COG2: variants seen among roughly 807,000 people sequenced by gnomAD.
COG2 encodes component of oligomeric golgi complex 2.
COG2 carries 52 observed loss-of-function variants against 90.6 expected under a neutral mutation model. The observed-to-expected ratio is 0.57, with a 90% confidence interval of 0.46 to 0.72. The LOEUF is 0.72. Among genes scored for constraint, COG2 ranks in the 30% least tolerant of loss-of-function variants. COG2 has a pLI of 0.00. For missense variants in COG2, 829 were observed against 891.2 expected, an observed-to-expected ratio of 0.93 and a Z score of 0.89; for synonymous variants, 337 against 320.4, an observed-to-expected ratio of 1.05 and a Z score of -0.55.
chr1:230,659,671 TCTCA>T, intron 2 of COG2, 46 bp downstream of exon 2: 1 of 1,572,914 alleles, frequency 6.4e-7, no homozygotes, highest in Non-Finnish European at 8.7e-7. Context: ...ACAATTTCTT[TCTCA>T]CTCATACTTA....
At chr1:230,650,476 ATGTT>A (rs1661888122) in intron 1 of COG2, among the ~76,000 whole-genome samples, 1 of 152,018 alleles carries the variant, frequency 6.6e-6, no homozygotes, top group South Asian at 2.1e-4. Context: ...ATTTTTTCAT[ATGTT>A]TGTTGGATGC....
intron 11 of COG2, 24 bp from the exon 12 acceptor site, chr1:230,685,061 G>GTGTTGT: frequency 1.9e-6 from 3 of 1,612,672 alleles, no homozygotes; most frequent in Non-Finnish European, 2.5e-6. Flanking sequence ...CCTTAAATGT[G>GTGTTGT]TGTTGTTGTT....
chr1:230,666,117 A>G (rs1165833515), intron 5 of COG2, among the ~76,000 whole-genome samples: 1 of 152,058 alleles, frequency 6.6e-6, no homozygotes, highest in Admixed American at 6.6e-5. Flanking sequence ...GACTGCGGGG[A>G]GTTTAGTGGA....
Position 230,679,188 on chromosome 1 carries a change from G to A in COG2, c.1166+136G>A. The stretch of plus-strand genomic sequence containing the variant: ...AGCTTTGGGAGACAAAATTGAAAGT[G>A]GAGAAAGAGATATAAGAAGTATTAT... On this transcript the variant is annotated intron_variant, in intron 10 of 17. Coordinates refer to ENST00000366669, the MANE Select transcript of COG2 (RefSeq NM_007357.3). The A allele has an allele frequency of 6.2e-6, 5 of 812,022 alleles. No homozygotes were observed. The South Asian group carries it at 1.2e-4, about 20-fold the overall frequency. The allele number at this position is 812,022 out of a possible 1,614,324, so 50.3% of individuals were successfully genotyped here. A position where few individuals can be genotyped will look rare whatever the true frequency, so the allele number is the denominator to read the frequency against.
intron 14 of COG2, 75 bp from the exon 15 acceptor site, chr1:230,688,345 C>A: frequency 6.5e-7 from 1 of 1,536,374 alleles, no homozygotes; most frequent in Non-Finnish European, 8.9e-7. Flanking sequence ...AATGTAAATG[C>A]TGTGACAGTA....
At chr1:230,664,227 A>T (rs1223673333) in intron 4 of COG2, among the ~76,000 whole-genome samples, 1 of 151,622 alleles carries the variant, frequency 6.6e-6, no homozygotes, top group Non-Finnish European at 1.5e-5. Flanking sequence ...TAAGGATATA[A>T]TATAAGAAAC....
chr1:230,645,285 T>C (rs1326396199), intron 1 of COG2, among the ~76,000 whole-genome samples: 7 of 149,210 alleles, frequency 4.7e-5, no homozygotes, highest in African/African-American at 1.7e-4. Context: ...TTAGAGAGGG[T>C]TGACAATCAG....
At position 230,691,500 on chromosome 1, in the gene COG2, G is replaced by A; in HGVS notation, c.2051G>A (p.Gly684Asp). ...TPANPVGPSG[G>D]MSDDDKIRLQ... ...GCCAACCCCGTCGGTCCCAGTGGTGGCATGAGCGACGACGACAAAATCAGG... is the reference window on the plus strand; with the variant it reads ...GCCAACCCCGTCGGTCCCAGTGGTGACATGAGCGACGACGACAAAATCAGG... Residue 684 changes from glycine to aspartate, a missense_variant, in exon 17 of 18, where the codon GGC becomes GAC. Coordinates refer to ENST00000366669, the MANE Select transcript of COG2 (RefSeq NM_007357.3). The A allele has an allele frequency of 1.2e-6, 2 of 1,614,172 alleles. No individual in the cohort carries two copies. The highest frequency in any genetic ancestry group is 4.5e-5 in the East Asian group (2 of 44,878).
intron 1 of COG2, chr1:230,643,019 G>C (rs551520235): frequency 7.3e-6 from 2 of 275,558 alleles, no homozygotes; most frequent in South Asian, 1.7e-4. Context: ...CTTGTGGACC[G>C]GGGCCTTGGA....
chr1:230,645,036 T>C (rs1400618298), intron 1 of COG2, among the ~76,000 whole-genome samples: 1 of 152,056 alleles, frequency 6.6e-6, no homozygotes, highest in Middle Eastern at 3.4e-3. Flanking sequence ...TAATAAAATA[T>C]ACACACTGAG....
chr1:230,669,140 C>T, intron 6 of COG2: 1 of 487,002 alleles, frequency 2.1e-6, no homozygotes, highest in Non-Finnish European at 3.6e-6. Context: ...TTTTCTCATT[C>T]TGTAATTCTG....
intron 1 of COG2, among the ~76,000 whole-genome samples, chr1:230,653,697 TTTA>T (rs1661973825): frequency 2.0e-5 from 3 of 152,070 alleles, no homozygotes. Context: ...ACTGTAGAAG[TTTA>T]TGTGGCTCAC....
chr1:230,657,889 T>A (rs1662102546), intron 1 of COG2, among the ~76,000 whole-genome samples: 1 of 152,098 alleles, frequency 6.6e-6, no homozygotes, highest in Non-Finnish European at 1.5e-5. Context: ...CTCCACGAAG[T>A]TCTCATGCTG....
intron 1 of COG2, among the ~76,000 whole-genome samples, chr1:230,644,605 C>T (rs548406649): frequency 3.9e-5 from 6 of 152,282 alleles, no homozygotes; most frequent in South Asian, 2.1e-4. Context: ...TCTGGTATTA[C>T]GTCTCTTCTG....
intron 9 of COG2, chr1:230,678,572 A>G: frequency 8.3e-7 from 1 of 1,210,382 alleles, no homozygotes; most frequent in Non-Finnish European, 1.0e-6. Flanking sequence ...GCAATGACGA[A>G]CTATGTCATT....
chr1:230,673,095 A>AATCCC (rs1364213730), intron 8 of COG2, among the ~76,000 whole-genome samples: 1 of 152,200 alleles, frequency 6.6e-6, no homozygotes, highest in Non-Finnish European at 1.5e-5. Context: ...GGGGATAAGA[A>AATCCC]CATAGTAGAA....
intron 1 of COG2, among the ~76,000 whole-genome samples, chr1:230,656,955 T>C (rs1297691744): frequency 6.6e-6 from 1 of 152,224 alleles, no homozygotes; most frequent in Non-Finnish European, 1.5e-5. Flanking sequence ...ATTTTGAGCC[T>C]ATGTGTGTCT....
chr1:230,685,361 A>G, intron 12 of COG2, 125 bp downstream of exon 12: 2 of 908,740 alleles, frequency 2.2e-6, no homozygotes, highest in African/African-American at 1.7e-5. Context: ...CAGTAGTCTG[A>G]CTTCCCAAGA....
intron 5 of COG2, among the ~76,000 whole-genome samples, chr1:230,668,371 C>G (rs1662366518): frequency 6.6e-6 from 1 of 152,154 alleles, no homozygotes; most frequent in Non-Finnish European, 1.5e-5. Flanking sequence ...TGCATGTCCA[C>G]AGGCCTAGCC....
Sources: gnomAD v4.1 joint callset for allele counts (sites outside exome capture counted in the v4.1 genomes callset) on GRCh38, gnomAD v4.1.1 for gene constraint, MANE v1.5 for transcripts, NCBI Gene and HGNC (gene_info 2026-07-23, HGNC 2026-07-21) for gene names.